Variants in VAPA observed in about 807,000 individuals in gnomAD.
VAPA encodes VAMP associated protein A.
Under a neutral mutation model 25.6 loss-of-function variants are expected in VAPA, and 6 were observed. The ratio of observed to expected loss-of-function variants is 0.23; its 90% CI spans 0.13 to 0.46. The LOEUF (loss-of-function observed/expected upper bound fraction) is 0.46, where lower values mean the gene tolerates loss of function less well. Among genes scored for constraint, VAPA ranks in the 20% least tolerant of loss-of-function variants. The probability of loss-of-function intolerance (pLI) is 0.99; values close to 1 mark genes in which losing one functional copy is unlikely to be tolerated. For missense variants in VAPA, 244 were observed against 302.1 expected (o/e 0.81, Z 1.43); for synonymous variants, 112 against 106.2 (o/e 1.05, Z -0.34).
intron 3 of VAPA, 150 bp downstream of exon 3, chr18:9,936,363 A>G (rs775944268): frequency 5.0e-5 from 23 of 459,014 alleles, no homozygotes; most frequent in Non-Finnish European, 8.5e-5. Context: ...GATAATCCTA[A>G]CTTAAAGAAT....
intron 1 of VAPA, among the ~76,000 whole-genome samples, chr18:9,923,290 AGT>A: frequency 1.4e-5 from 2 of 145,870 alleles, no homozygotes; most frequent in Admixed American, 7.0e-5. Context: ...ACCGTTAAAA[AGT>A]AGGGATGTTA....
rs140309664 is a variant in VAPA at position 9,924,588 on chromosome 18, GCACT to G, written c.80-7220_80-7217del. ...TGTATGCATCAGAATACCTTAAAAA[GCACT>G]CCTAAAACGTTTAAGGTAGTTTTTT... is the stretch of plus-strand genomic sequence containing the variant. On this transcript the variant is annotated intron_variant, in intron 1 of 5. Transcript: ENST00000400000. 3.4e-3 allele frequency among the ~76,000 whole-genome samples: 518 copies of G among 152,254 alleles called. 2 individuals carry two copies. Among genetic ancestry groups the G allele is most frequent in the African/African-American group, 0.012 (497 of 41,554 alleles).
intron 1 of VAPA, 95 bp from the exon 2 acceptor site, chr18:9,931,715 A>T: frequency 9.2e-7 from 1 of 1,082,874 alleles, no homozygotes; most frequent in South Asian, 1.8e-5. Flanking sequence ...GTCAGCACTT[A>T]ATTAAAATTG....
rs1022934689 is a variant in VAPA, at chr18:9,955,138, G to T, written c.*927G>T. On this transcript the variant is annotated 3_prime_UTR_variant, in exon 6 of 6. Transcript: ENST00000400000. ...CTGATTTACCCCATTCTTAAGTTCT[G>T]AGAGTATGTTCTCAAGGAAGATTTA... is the stretch of plus-strand genomic sequence containing the variant. 2.0e-5 allele frequency: 3 copies of T among 152,138 alleles called. No homozygotes were observed. Among genetic ancestry groups the T allele is most frequent in the Middle Eastern group, 3.2e-3 (1 of 316 alleles). 9.4% of individuals were successfully genotyped at this position (152,138 alleles called of 1,614,324 possible).
intron 1 of VAPA, among the ~76,000 whole-genome samples, chr18:9,924,306 A>G (rs1413216367): frequency 6.6e-6 from 1 of 152,124 alleles, no homozygotes; most frequent in Non-Finnish European, 1.5e-5. Flanking sequence ...TTTCTATTTT[A>G]ATCAAGATGT....
At chr18:9,948,929 C>CA (rs930891870) in intron 4 of VAPA, 6 of 152,142 alleles carry the variant, frequency 3.9e-5, no homozygotes, top group African/African-American at 1.4e-4. Context: ...AATTTTTAAC[C>CA]AAAACCTGAA....
rs200554291 is a variant in VAPA at position 9,954,236 on chromosome 18, C to G, written c.*25C>G. The G allele has an allele frequency of 4.5e-6, 6 of 1,344,262 alleles. No individual in the cohort carries two copies. The highest frequency in any genetic ancestry group is 6.0e-6 in the Non-Finnish European group (6 of 992,000). 83.3% of individuals were successfully genotyped at this position (1,344,262 alleles called of 1,614,324 possible). ...GAGTGAAGCATGCAGAGTGCTGTTT[C>G]TTTTTTTTTTTTTCTCTTGACCAGA... On this transcript the variant is annotated 3_prime_UTR_variant, in exon 6 of 6. Transcript: ENST00000400000.
intron 1 of VAPA, among the ~76,000 whole-genome samples, chr18:9,929,406 A>G (rs1013065335): frequency 6.6e-6 from 1 of 152,090 alleles, no homozygotes; most frequent in African/African-American, 2.4e-5. Flanking sequence ...CTTAAGGTAG[A>G]TTTCTTCATC....
intron 1 of VAPA, among the ~76,000 whole-genome samples, chr18:9,920,233 T>C (rs2069145111): frequency 6.6e-6 from 1 of 152,196 alleles, no homozygotes; most frequent in Admixed American, 6.5e-5. Context: ...GTCTGGGCTT[T>C]GGATAATTTC....
chr18:9,955,006 G>A lies in VAPA; in HGVS notation c.*795G>A, dbSNP rs1245303710. 2 of 152,124 alleles carry A rather than the reference G, an allele frequency of 1.3e-5. No individual in the cohort carries two copies. Among genetic ancestry groups the A allele is most frequent in the African/African-American group, 4.8e-5 (2 of 41,416 alleles). The allele number at this position is 152,124 out of a possible 1,614,324, so 9.4% of individuals were successfully genotyped here. A position where few individuals can be genotyped will look rare whatever the true frequency, so the allele number is the denominator to read the frequency against. Reference sequence around the variant, plus strand: ...AATTTTAAGGTACCACTGGTATTTTGGGAGATTATAATCAGTTTGTTTTCA... The same window carrying A: ...AATTTTAAGGTACCACTGGTATTTTAGGAGATTATAATCAGTTTGTTTTCA... On this transcript the variant is annotated 3_prime_UTR_variant, in exon 6 of 6. Coordinates refer to ENST00000400000, the MANE Select transcript of VAPA (RefSeq NM_194434.3).
In VAPA at chr18:9,953,030, GTCCTGCCA is replaced by G. The variant is rs1326536854; in HGVS notation, c.592-1021_592-1014del. Among the ~76,000 whole-genome samples the G allele has an allele frequency of 2.4e-4, 36 of 152,290 alleles. 1 individual carries two copies. The highest frequency in any genetic ancestry group is 2.4e-3 in the Admixed American group (36 of 15,298). ...CTTGTACTGAAAAAAGTAAAAAACT[GTCCTGCCA>G]TTTATCAGATTGGTTAACAGACAGA... On this transcript the variant is annotated intron_variant, in intron 5 of 5. Coordinates refer to ENST00000400000, the MANE Select transcript of VAPA (RefSeq NM_194434.3).
chr18:9,916,803 GT>G (rs2069115384), intron 1 of VAPA, among the ~76,000 whole-genome samples: 1 of 152,154 alleles, frequency 6.6e-6, no homozygotes, highest in Non-Finnish European at 1.5e-5. Context: ...TTAGAAGACA[GT>G]TTTGCAAAAT....
intron 5 of VAPA, among the ~76,000 whole-genome samples, chr18:9,953,787 A>G (rs563545873): frequency 1.3e-5 from 2 of 152,328 alleles, no homozygotes; most frequent in African/African-American, 4.8e-5. Context: ...AGTGTTATTG[A>G]GGTATAATTT....
intron 4 of VAPA, among the ~76,000 whole-genome samples, 170 bp downstream of exon 4, chr18:9,937,236 T>A (rs912457740): frequency 4.0e-5 from 6 of 150,796 alleles, no homozygotes; most frequent in Admixed American, 6.6e-5. Context: ...TTTTTTTTTT[T>A]AAAGTAACAT....
At chr18:9,920,796 A>G (rs928091078) in intron 1 of VAPA, among the ~76,000 whole-genome samples, 2 of 152,240 alleles carry the variant, frequency 1.3e-5, no homozygotes. Context: ...AACTTTGGCT[A>G]TATGAAACCA....
At chr18:9,919,900 A>C (rs944295746) in intron 1 of VAPA, among the ~76,000 whole-genome samples, 1 of 152,222 alleles carries the variant, frequency 6.6e-6, no homozygotes, top group Non-Finnish European at 1.5e-5. Flanking sequence ...AGGCGGCTGC[A>C]GCAGTACTGG....
intron 4 of VAPA, among the ~76,000 whole-genome samples, chr18:9,946,475 A>T (rs945236257): frequency 6.8e-6 from 1 of 146,456 alleles, no homozygotes; most frequent in African/African-American, 2.5e-5. Context: ...TTTTTGTGTG[A>T]TTTTTTTTTT....
At chr18:9,929,470 C>T (rs532196528) in intron 1 of VAPA, among the ~76,000 whole-genome samples, 9 of 152,242 alleles carry the variant, frequency 5.9e-5, no homozygotes, top group African/African-American at 2.2e-4. Context: ...TACAACCCCT[C>T]CATCCCTGAA....
chr18:9,933,361 T>G (rs2069275924), intron 2 of VAPA, among the ~76,000 whole-genome samples: 1 of 152,112 alleles, frequency 6.6e-6, no homozygotes, highest in Non-Finnish European at 1.5e-5. Flanking sequence ...AAAAAGATGT[T>G]TTAGTGAGTC....
Sources: allele counts gnomAD v4.1 joint callset (sites outside exome capture counted in the v4.1 genomes callset), GRCh38; gene constraint gnomAD v4.1.1; transcripts MANE v1.5; gene names NCBI Gene and HGNC (gene_info 2026-07-23, HGNC 2026-07-21).